Variants in ALG5 observed in about 807,000 individuals in gnomAD.
ALG5 encodes the protein dolichyl-phosphate beta-glucosyltransferase.
A neutral mutation model predicts 51.8 loss-of-function variants in ALG5; 26 were observed. The ratio of observed to expected loss-of-function variants is 0.50; its 90% CI spans 0.37 to 0.70. The LOEUF is 0.70. ALG5 is among the 30% of genes least tolerant of loss of function. ALG5 has a pLI of 0.00. For missense variants in ALG5, 311 were observed against 399.3 expected (o/e 0.78, Z 1.88); for synonymous variants, 141 against 136.1 (o/e 1.04, Z -0.25).
chr13:36,951,170 G>A (rs1459020710), intron 9 of ALG5, among the ~76,000 whole-genome samples: 1 of 152,056 alleles, frequency 6.6e-6, no homozygotes, highest in African/African-American at 2.4e-5. Context: ...ATGCAAATAA[G>A]CAAATGACTA....
At chr13:36,963,635 T>C (rs2058878435) in intron 8 of ALG5, among the ~76,000 whole-genome samples, 1 of 151,928 alleles carries the variant, frequency 6.6e-6, no homozygotes, top group African/African-American at 2.4e-5. Context: ...AACACATATC[T>C]AAATTTGACA....
chr13:36,975,223 C>T (rs1159519922), intron 6 of ALG5, among the ~76,000 whole-genome samples: 1 of 152,046 alleles, frequency 6.6e-6, no homozygotes, highest in Non-Finnish European at 1.5e-5. Flanking sequence ...AAAAACAAAC[C>T]ACCACCACCA....
rs543567192 is a variant in ALG5, at chr13:36,979,471, C to A, written c.561+6156G>T. Among the ~76,000 whole-genome samples, 7 of 152,236 alleles carry A rather than the reference C, an allele frequency of 4.6e-5. No individual in the cohort carries two copies. The East Asian group carries it at 1.4e-3, about 29-fold the overall frequency. ...TGGTCCACAAAAAAAGGGAGAAGGACTAACTGTCACATTCTTTTAAGGAAC... is the reference window on the plus strand; with the variant it reads ...TGGTCCACAAAAAAAGGGAGAAGGAATAACTGTCACATTCTTTTAAGGAAC... On this transcript the variant is annotated intron_variant, in intron 6 of 9. Transcript: ENST00000239891.
At chr13:36,962,127 ATT>A in intron 8 of ALG5, among the ~76,000 whole-genome samples, 1 of 152,262 alleles carries the variant, frequency 6.6e-6, no homozygotes, top group Non-Finnish European at 1.5e-5. Flanking sequence ...TCCTTTACAG[ATT>A]TCTAGTACCT....
chr13:36,992,429 T>G (rs531559281), intron 4 of ALG5, among the ~76,000 whole-genome samples: 2 of 152,318 alleles, frequency 1.3e-5, no homozygotes, highest in South Asian at 4.1e-4. Flanking sequence ...AGTAGCTAAG[T>G]GAACTAATAA....
chr13:36,996,840 G>C (rs1007401530), intron 1 of ALG5, among the ~76,000 whole-genome samples: 2 of 152,152 alleles, frequency 1.3e-5, no homozygotes, highest in African/African-American at 2.4e-5. Context: ...AAAGCATTTA[G>C]GTAATGATCC....
chr13:36,989,990 C>T lies in ALG5; in HGVS notation c.355-414G>A, dbSNP rs529668709. Among the ~76,000 whole-genome samples, 8 of 152,326 alleles carry T rather than the reference C, an allele frequency of 5.3e-5. No homozygotes were observed. The East Asian group carries it at 1.2e-3, about 22-fold the overall frequency. On this transcript the variant is annotated intron_variant, in intron 4 of 9. Coordinates refer to ENST00000239891, the MANE Select transcript of ALG5 (RefSeq NM_013338.5). ...TTTTGTATTTGTTCTGGTCTGCAATCGCTCTTATTCCCCAGAGAGGCTGTT... is the reference window on the plus strand; with the variant it reads ...TTTTGTATTTGTTCTGGTCTGCAATTGCTCTTATTCCCCAGAGAGGCTGTT...
At position 36,989,575 on chromosome 13, in the gene ALG5, A is replaced by T. The variant is rs748917641; in HGVS notation, c.356T>A (p.Val119Glu). The change falls in exon 5 of 10, where the codon GTA becomes GAA. Residue 119 changes from valine to glutamate, a missense_variant and splice_region_variant. By Grantham distance (121) the Val-to-Glu change is moderately radical. Transcript: ENST00000239891. ...ATATTTCTGGCAATATTTAAAAGCT[A>T]CCTATGAAATTATATAAAAATCAGA... The part of the protein sequence containing the change: ...DDGSKDQTSK[V>E]AFKYCQKYGS... The T allele has an allele frequency of 6.3e-7, 1 of 1,598,416 alleles. No individual in the cohort carries two copies. The highest frequency in any genetic ancestry group is 8.6e-7 in the Non-Finnish European group (1 of 1,166,712).
At chr13:36,982,949 T>C (rs2058986520) in intron 6 of ALG5, among the ~76,000 whole-genome samples, 1 of 152,362 alleles carries the variant, frequency 6.6e-6, no homozygotes, top group African/African-American at 2.4e-5. Flanking sequence ...GATAATCACA[T>C]GCTTTAATTC....
intron 1 of ALG5, among the ~76,000 whole-genome samples, chr13:36,998,103 T>C (rs1177446391): frequency 6.6e-6 from 1 of 152,138 alleles, no homozygotes; most frequent in East Asian, 1.9e-4. Flanking sequence ...TGGGAACAAA[T>C]ACCGTCAGTA....
Position 36,999,242 on chromosome 13 carries a change from A to G in ALG5, c.59T>C (p.Leu20Pro). The change falls in exon 1 of 10, where the codon CTC (leucine) becomes CCC (proline). Residue 20 changes from leucine (L) to proline (P), a missense_variant. Physicochemically the swap from Leu to Pro is moderately conservative, Grantham distance 98 (BLOSUM62 -3). Transcript: ENST00000239891. ...TCCCATCCCTGTTCTCACCAGTACG[A>G]GGGCTGCGGCCGCCAGCGCCGCGCC... ...VLGAALAAAA[L>P]VLISIVAFTT... 6.3e-7 allele frequency: 1 copy of G among 1,578,506 alleles called. No homozygotes were observed. Among genetic ancestry groups the G allele is most frequent in the Admixed American group, 1.8e-5 (1 of 54,872 alleles).
chr13:36,997,594 C>T (rs997820756), intron 1 of ALG5, among the ~76,000 whole-genome samples: 1 of 151,436 alleles, frequency 6.6e-6, no homozygotes, highest in Non-Finnish European at 1.5e-5. Context: ...CTGATTGGAA[C>T]AAACAGACAT....
At chr13:36,951,954 T>C (rs950453438) in intron 9 of ALG5, among the ~76,000 whole-genome samples, 7 of 152,126 alleles carry the variant, frequency 4.6e-5, no homozygotes, top group African/African-American at 1.7e-4. Context: ...CCGGCCATCT[T>C]TTTGTATTTT....
At chr13:36,998,708 T>G (rs2059064571) in intron 1 of ALG5, 1 of 152,442 alleles carries the variant, frequency 6.6e-6, no homozygotes, top group African/African-American at 2.4e-5. Flanking sequence ...TCACCCTGCG[T>G]CCCTAGTGGG....
intron 8 of ALG5, among the ~76,000 whole-genome samples, chr13:36,956,680 A>G (rs1342914617): frequency 6.6e-6 from 1 of 152,072 alleles, no homozygotes; most frequent in Non-Finnish European, 1.5e-5. Flanking sequence ...CTCCCCTTGT[A>G]TGGGAACTCT....
intron 1 of ALG5, among the ~76,000 whole-genome samples, chr13:36,998,657 A>G (rs2059063904): frequency 1.3e-5 from 2 of 152,202 alleles, no homozygotes; most frequent in African/African-American, 2.4e-5. Context: ...CTGGGACACA[A>G]TGCGACCCCG....
intron 7 of ALG5, among the ~76,000 whole-genome samples, chr13:36,970,765 G>T (rs2058918960): frequency 6.6e-6 from 1 of 151,906 alleles, no homozygotes; most frequent in African/African-American, 2.4e-5. Flanking sequence ...ACAAAAATTA[G>T]CCAGGCATGA....
intron 9 of ALG5, 35 bp downstream of exon 9, chr13:36,952,479 A>C (rs373784835): frequency 6.9e-7 from 1 of 1,456,518 alleles, no homozygotes; most frequent in Non-Finnish European, 9.5e-7. Context: ...GTATTATCTG[A>C]CTCAAGACAA....
intron 6 of ALG5, 43 bp downstream of exon 6, chr13:36,985,584 C>A (rs775422112): frequency 6.8e-7 from 1 of 1,477,226 alleles, no homozygotes; most frequent in Non-Finnish European, 9.3e-7. Flanking sequence ...AGCTCTCCTG[C>A]ATTCTTGACT....
Sources: allele counts gnomAD v4.1 joint callset (sites outside exome capture counted in the v4.1 genomes callset), GRCh38; gene constraint gnomAD v4.1.1; transcripts MANE v1.5; gene names NCBI Gene and HGNC (gene_info 2026-07-23, HGNC 2026-07-21).